Variants in NRXN1 observed in about 807,000 individuals in gnomAD.
The protein encoded by NRXN1 is neurexin 1.
NRXN1 carries 39 observed loss-of-function variants against 150.9 expected under a neutral mutation model. The ratio of observed to expected loss-of-function variants is 0.26; its 90% confidence interval spans 0.20 to 0.34. The LOEUF (loss-of-function observed/expected upper bound fraction) is 0.34. NRXN1 is among the 10% of genes least tolerant of loss of function. The probability of loss-of-function intolerance (pLI) is 1.00; values close to 1 mark genes in which losing one functional copy is unlikely to be tolerated. For missense variants in NRXN1, 1,815 were observed against 1,949.9 expected, an observed-to-expected ratio of 0.93 and a Z score of 1.30; for synonymous variants, 924 against 757.0, an observed-to-expected ratio of 1.22 and a Z score of -3.62.
chr2:50,128,855 C>A (rs186615326), intron 18 of NRXN1, among the ~76,000 whole-genome samples: 1 of 151,502 alleles, frequency 6.6e-6, no homozygotes, highest in African/African-American at 2.4e-5. Flanking sequence ...TGGTGGCGGG[C>A]GCCTGTAATC....
At chr2:50,091,568 T>C (rs1417554094) in intron 18 of NRXN1, 74 bp from the exon 19 acceptor site, 3 of 1,502,924 alleles carry the variant, frequency 2.0e-6, no homozygotes, top group Non-Finnish European at 2.8e-6. Flanking sequence ...ACATACAAGG[T>C]ATTGTTTTAA....
chr2:50,118,303 A>T (rs1703352190), intron 18 of NRXN1, among the ~76,000 whole-genome samples: 1 of 152,306 alleles, frequency 6.6e-6, no homozygotes, highest in South Asian at 2.1e-4. Flanking sequence ...GGTGATGCTG[A>T]TGCCGCCAGT....
intron 5 of NRXN1, among the ~76,000 whole-genome samples, chr2:50,865,580 A>ATGTG (rs112867077): frequency 0.12 from 16,161 of 130,604 alleles, 1,265 homozygotes; most frequent in African/African-American, 0.23. Context: ...AAATATATAA[A>ATGTG]TGTGTGTGTG....
chr2:51,023,087 A>G (rs1428294484), intron 2 of NRXN1, among the ~76,000 whole-genome samples: 1 of 152,194 alleles, frequency 6.6e-6, no homozygotes, highest in African/African-American at 2.4e-5. Flanking sequence ...TCAAGAAAGA[A>G]TTGTATTTTT....
At chr2:50,456,431 A>C (rs186371667) in intron 17 of NRXN1, among the ~76,000 whole-genome samples, 159 of 152,210 alleles carry the variant, frequency 1.0e-3, no homozygotes, top group African/African-American at 3.7e-3. Flanking sequence ...GCTACAAGAG[A>C]GTTAAAACAC....
intron 5 of NRXN1, chr2:50,829,741 T>G (rs1305403632): frequency 2.5e-6 from 4 of 1,582,358 alleles, no homozygotes; most frequent in African/African-American, 1.3e-5. Context: ...GCGCCCAAGG[T>G]TGCACGGCAT....
At chr2:50,009,990 T>C (rs1573385837) in intron 21 of NRXN1, among the ~76,000 whole-genome samples, 2 of 152,144 alleles carry the variant, frequency 1.3e-5, no homozygotes, top group Admixed American at 1.3e-4. Context: ...GGATTAAATA[T>C]ATTTTTGCAC....
intron 19 of NRXN1, among the ~76,000 whole-genome samples, chr2:50,058,055 T>C (rs1385848174): frequency 6.6e-6 from 1 of 152,170 alleles, no homozygotes; most frequent in Non-Finnish European, 1.5e-5. Flanking sequence ...AAAGATCACA[T>C]AAACACATAA....
intron 18 of NRXN1, among the ~76,000 whole-genome samples, chr2:50,227,180 A>C (rs2152865646): frequency 6.6e-6 from 1 of 150,892 alleles, no homozygotes; most frequent in Admixed American, 6.6e-5. Flanking sequence ...AAAAAAAGGA[A>C]GTTTGTTGTT....
intron 2 of NRXN1, among the ~76,000 whole-genome samples, chr2:50,952,175 C>T (rs1405561098): frequency 2.6e-5 from 4 of 151,066 alleles, no homozygotes; most frequent in African/African-American, 7.3e-5. Context: ...ACCGTTTTAG[C>T]CGGGATGGTC....
intron 21 of NRXN1, chr2:49,973,794 A>C (rs150351068): frequency 2.7e-4 from 154 of 576,888 alleles, no homozygotes; most frequent in African/African-American, 2.3e-3. Flanking sequence ...AGCGTGCATA[A>C]ATTTGACATG....
At chr2:51,000,157 A>G (rs2105077768) in intron 2 of NRXN1, among the ~76,000 whole-genome samples, 1 of 152,036 alleles carries the variant, frequency 6.6e-6, no homozygotes, top group South Asian at 2.1e-4. Context: ...TTTCACTCAC[A>G]TGGAGTATTC....
chr2:49,971,913 TC>T (rs1678024066), intron 21 of NRXN1, among the ~76,000 whole-genome samples: 1 of 152,138 alleles, frequency 6.6e-6, no homozygotes, highest in African/African-American at 2.4e-5. Flanking sequence ...AAAAGTTAAG[TC>T]AAAAGAACTT....
chr2:50,712,190 C>G (rs1258756887), intron 5 of NRXN1, among the ~76,000 whole-genome samples: 1 of 152,044 alleles, frequency 6.6e-6, no homozygotes, highest in Admixed American at 6.6e-5. Context: ...TTTACAGATT[C>G]AGAGAGTTTA....
At chr2:51,009,084 T>C (rs1667459841) in intron 2 of NRXN1, among the ~76,000 whole-genome samples, 1 of 151,942 alleles carries the variant, frequency 6.6e-6, no homozygotes, top group South Asian at 2.1e-4. Flanking sequence ...ATAACATGGA[T>C]AGTCTGAATA....
At chr2:50,710,270 AG>A (rs985817156) in intron 5 of NRXN1, among the ~76,000 whole-genome samples, 1 of 152,194 alleles carries the variant, frequency 6.6e-6, no homozygotes, top group African/African-American at 2.4e-5. Flanking sequence ...TTGATATTTC[AG>A]CAAGCTGCAA....
At chr2:49,955,079 A>T (rs1277437596) in intron 21 of NRXN1, among the ~76,000 whole-genome samples, 1 of 152,176 alleles carries the variant, frequency 6.6e-6, no homozygotes, top group Non-Finnish European at 1.5e-5. Context: ...TAAAAATAGA[A>T]GAAATATTAT....
chr2:50,800,916 T>G (rs532468923), intron 5 of NRXN1, among the ~76,000 whole-genome samples: 1 of 152,334 alleles, frequency 6.6e-6, no homozygotes, highest in African/African-American at 2.4e-5. Flanking sequence ...GAACTATTTT[T>G]TAATTCTTAA....
intron 18 of NRXN1, among the ~76,000 whole-genome samples, chr2:50,149,921 T>C (rs2058597895): frequency 6.6e-6 from 1 of 151,738 alleles, no homozygotes; most frequent in South Asian, 2.1e-4. Flanking sequence ...TCACTGCCTG[T>C]ATGTAGCCAT....
Sources: gnomAD v4.1 joint callset for allele counts (sites outside exome capture counted in the v4.1 genomes callset) on GRCh38, gnomAD v4.1.1 for gene constraint, MANE v1.5 for transcripts, NCBI Gene and HGNC (gene_info 2026-07-23, HGNC 2026-07-21) for gene names.